Variants in SPG7 observed in about 807,000 individuals in gnomAD.
The protein encoded by SPG7 is SPG7 matrix AAA peptidase subunit, paraplegin.
A neutral mutation model predicts 81.9 loss-of-function variants in SPG7; 103 were observed. The ratio of observed to expected loss-of-function variants is 1.26; its 90% confidence interval spans 1.07 to 1.48. The LOEUF (loss-of-function observed/expected upper bound fraction) is 1.48, where lower values mean the gene tolerates loss of function less well. SPG7 is among the 40% of genes most tolerant of loss of function. The probability of loss-of-function intolerance (pLI) is 0.00; values close to 1 mark genes in which losing one functional copy is unlikely to be tolerated. For synonymous variants in SPG7, 534 were observed against 444.2 expected (o/e 1.20, Z -2.54); for missense variants, 1,241 against 1,087.3 (o/e 1.14, Z -1.99).
At chr16:89,544,221 T>C in intron 9 of SPG7, 1 of 289,244 alleles carries the variant, frequency 3.5e-6, no homozygotes, top group African/African-American at 2.2e-5. Flanking sequence ...ACCCAGGGCC[T>C]AGGGCCAGAC....
At chr16:89,522,548 C>T (rs1597618518) in intron 3 of SPG7, 1 of 151,670 alleles carries the variant, frequency 6.6e-6, no homozygotes, top group Non-Finnish European at 1.5e-5. Flanking sequence ...ACGTCGTTCC[C>T]GCCGCTGGGT....
chr16:89,523,223 G>A (rs1472608330), intron 3 of SPG7: 2 of 177,250 alleles, frequency 1.1e-5, no homozygotes, highest in Admixed American at 5.5e-5. Flanking sequence ...AAGTGGTCTG[G>A]AGTATATGCC....
In SPG7 at chr16:89,532,044, A is replaced by G. The variant is rs772792296; in HGVS notation, c.1128A>G (p.Pro376=). The G allele has an allele frequency of 3.7e-6, 6 of 1,613,072 alleles. No individual in the cohort carries two copies. Among genetic ancestry groups the G allele is most frequent in the African/African-American group, 1.3e-5 (1 of 75,014 alleles). The change falls in exon 8 of 17, where the codon CCA becomes CCG. Residue 376 remains proline (P), a synonymous_variant. Transcript: ENST00000645818. The part of the protein sequence containing the change: ...AQVPFLAMAG[P]EFVEVIGGLG... ...TGCCCTTCCTGGCGATGGCCGGCCC[A>G]GAGTTCGTGGAGGTCATTGGAGGTA... is the stretch of plus-strand genomic sequence containing the variant.
intron 16 of SPG7, 41 bp downstream of exon 16, chr16:89,554,604 G>A: frequency 7.1e-7 from 1 of 1,413,438 alleles, no homozygotes; most frequent in Non-Finnish European, 9.9e-7. Context: ...GCGTCACACA[G>A]TGTCCACACA....
Position 89,524,230 on chromosome 16 carries a change from G to T in SPG7, c.601G>T (p.Val201Leu). Residue 201 changes from valine to leucine, a missense_variant, in exon 4 of 17, where the codon GTG (valine) becomes TTG (leucine). Val to Leu is a conservative substitution (Grantham distance 32). Coordinates refer to ENST00000645818, the MANE Select transcript of SPG7 (RefSeq NM_003119.4). ...VVEVYLHPGAVVFGRPRLALM... is the reference protein window; with the variant it reads ...VVEVYLHPGALVFGRPRLALM... ...GGAAGTCTACCTGCACCCTGGAGCC[G>T]TGGTGTTTGGGCGGCCTGTGAGTGA... 1.2e-6 allele frequency: 2 copies of T among 1,611,720 alleles called. No individual in the cohort carries two copies. The highest frequency in any genetic ancestry group is 1.1e-5 in the South Asian group (1 of 91,032).
intron 14 of SPG7, 163 bp from the exon 15 acceptor site, chr16:89,553,631 T>C (rs929196811): frequency 7.0e-5 from 46 of 654,242 alleles, no homozygotes; most frequent in South Asian, 5.5e-4. Flanking sequence ...TAAGGAACAG[T>C]GGTGAGGTGC....
At chr16:89,537,261 T>C in intron 9 of SPG7, 1 of 1,380,252 alleles carries the variant, frequency 7.2e-7, no homozygotes, top group Non-Finnish European at 9.4e-7. Context: ...AGCCGGTCCA[T>C]GGCGGTGTCC....
chr16:89,536,586 G>GAGGC (rs2058425128), intron 9 of SPG7, among the ~76,000 whole-genome samples: 5 of 142,092 alleles, frequency 3.5e-5, no homozygotes, highest in African/African-American at 1.4e-4. Context: ...TGAGGCGGGT[G>GAGGC]AGGTGAGGCA....
intron 9 of SPG7, chr16:89,539,208 A>C (rs1201859179): frequency 1.3e-5 from 2 of 152,228 alleles, no homozygotes; most frequent in African/African-American, 4.8e-5. Flanking sequence ...TCAGTTTATC[A>C]ATTTTTGCTT....
chr16:89,546,043 C>T, intron 10 of SPG7: 3 of 358,650 alleles, frequency 8.4e-6, no homozygotes, highest in Non-Finnish European at 1.7e-5. Context: ...TGGTGTCAAA[C>T]CCCTGGCCTC....
At chr16:89,510,365 C>G (rs2057999925) in intron 1 of SPG7, 125 bp from the exon 2 acceptor site, 2 of 675,048 alleles carry the variant, frequency 3.0e-6, no homozygotes, top group African/African-American at 1.8e-5. Context: ...CTTTATATTT[C>G]AGGGCAATGT....
intron 12 of SPG7, chr16:89,548,487 CT>C: frequency 3.3e-6 from 1 of 304,908 alleles, no homozygotes; most frequent in Non-Finnish European, 6.3e-6. Flanking sequence ...CAGCCGCTGA[CT>C]GTGGGCCGGA....
At chr16:89,544,817 C>A in intron 10 of SPG7, 45 bp downstream of exon 10, 2 of 1,611,334 alleles carry the variant, frequency 1.2e-6, no homozygotes, top group South Asian at 1.1e-5. Flanking sequence ...CTGGGCCGCC[C>A]CCACTCGCTC....
At position 89,531,969 on chromosome 16, in the gene SPG7, C is replaced by G. The variant is rs762689331; in HGVS notation, c.1053C>G (p.Pro351=). ...AGGGCGCACTGCTGCTCGGCCCCCC[C>G]GGCTGTGGGAAGACGCTGCTGGCCA... ...VPKGALLLGP[P]GCGKTLLAKA... Residue 351 remains proline (P), a synonymous_variant, in exon 8 of 17, where the codon CCC becomes CCG. Coordinates refer to ENST00000645818, the MANE Select transcript of SPG7 (RefSeq NM_003119.4). 1 of 1,613,934 alleles carries G rather than the reference C, an allele frequency of 6.2e-7. No homozygotes were observed. The highest frequency in any genetic ancestry group is 8.5e-7 in the Non-Finnish European group (1 of 1,179,840).
At chr16:89,522,222 A>G (rs2058197046) in intron 3 of SPG7, 1 of 152,196 alleles carries the variant, frequency 6.6e-6, no homozygotes, top group African/African-American at 2.4e-5. Flanking sequence ...CAAAGTAATT[A>G]TTTTGCCACC....
chr16:89,523,272 C>A (rs1170695581), intron 3 of SPG7: 2 of 221,702 alleles, frequency 9.0e-6, no homozygotes, highest in Non-Finnish European at 1.8e-5. Context: ...TTTTTAAGTT[C>A]TATTTTCAGA....
chr16:89,529,804 G>A, intron 6 of SPG7: 2 of 596,772 alleles, frequency 3.4e-6, no homozygotes, highest in Admixed American at 5.4e-5. Flanking sequence ...GGGTGCCTGA[G>A]CCTTGTGAGA....
chr16:89,532,200 T>C (rs2058353187), intron 8 of SPG7, 134 bp downstream of exon 8: 1 of 1,059,636 alleles, frequency 9.4e-7, no homozygotes, highest in Non-Finnish European at 1.4e-6. Flanking sequence ...GAGGTCTGGG[T>C]TGGCGGAGGG....
chr16:89,537,529 C>G (rs1452449625), intron 9 of SPG7: 1 of 989,160 alleles, frequency 1.0e-6, no homozygotes, highest in African/African-American at 1.7e-5. Context: ...ACATTTTATG[C>G]TTCGACTTTT....
Sources: allele counts gnomAD v4.1 joint callset (sites outside exome capture counted in the v4.1 genomes callset), GRCh38; gene constraint gnomAD v4.1.1; transcripts MANE v1.5; gene names NCBI Gene and HGNC (gene_info 2026-07-23, HGNC 2026-07-21).